Variants in TMEM131 observed in about 807,000 individuals in gnomAD.
The protein encoded by TMEM131 is transmembrane protein 131.
TMEM131 carries 66 observed loss-of-function variants against 211.6 expected under a neutral mutation model. That is an observed-to-expected ratio of 0.31 (90% CI 0.26 to 0.38). The LOEUF is 0.38. TMEM131 is among the 10% of genes least tolerant of loss of function. The probability of loss-of-function intolerance (pLI) is 1.00; values close to 1 mark genes in which losing one functional copy is unlikely to be tolerated. For synonymous variants in TMEM131, 844 were observed against 841.3 expected, an observed-to-expected ratio of 1.00 and a Z score of -0.06; for missense variants, 2,036 against 2,299.3, an observed-to-expected ratio of 0.89 and a Z score of 2.34.
At chr2:97,773,635 T>C (rs1679572423) in intron 32 of TMEM131, among the ~76,000 whole-genome samples, 1 of 150,442 alleles carries the variant, frequency 6.6e-6, no homozygotes, top group African/African-American at 2.4e-5. Flanking sequence ...GGTACACATC[T>C]ACTCATGTAT....
intron 15 of TMEM131, among the ~76,000 whole-genome samples, chr2:97,813,195 G>C (rs1681641182): frequency 6.6e-6 from 1 of 152,104 alleles, no homozygotes; most frequent in Non-Finnish European, 1.5e-5. Flanking sequence ...TACTAAGAGA[G>C]GTTTAGTGGA....
chr2:97,902,034 T>C (rs1042420496), intron 3 of TMEM131, among the ~76,000 whole-genome samples: 2 of 152,166 alleles, frequency 1.3e-5, no homozygotes, highest in African/African-American at 4.8e-5. Flanking sequence ...ACACAGTCTA[T>C]GCATGTATCA....
rs769046715 is a variant in TMEM131 at position 97,818,666 on chromosome 2, G to A, written c.1130C>T (p.Thr377Ile). 4 of 1,608,834 alleles carry A rather than the reference G, an allele frequency of 2.5e-6. No individual in the cohort carries two copies. The highest frequency in any genetic ancestry group is 4.5e-5 in the East Asian group (2 of 44,824). Reference protein sequence around the residue: ...DAITVHFKPITLKASESKYTK... With the variant: ...DAITVHFKPIILKASESKYTK... ...GTATTTACTTTCTGATGCTTTTAAT[G>A]TAATTGGTTTAAAGTGTACCGTTAT... Residue 377 changes from threonine (T) to isoleucine (I), a missense_variant, in exon 12 of 41, where the codon ACA becomes ATA. Coordinates refer to ENST00000186436, the MANE Select transcript of TMEM131 (RefSeq NM_015348.2).
chr2:97,799,218 G>A (rs907230224), intron 25 of TMEM131, among the ~76,000 whole-genome samples: 2 of 151,922 alleles, frequency 1.3e-5, no homozygotes, highest in Admixed American at 6.6e-5. Flanking sequence ...CAAAGCAGTG[G>A]TATCAAACTT....
chr2:97,908,746 A>C (rs781493241), intron 2 of TMEM131, 48 bp from the exon 3 acceptor site: 1 of 1,474,046 alleles, frequency 6.8e-7, no homozygotes, highest in Non-Finnish European at 9.4e-7. Flanking sequence ...CCAAATATTT[A>C]TATTACAGAC....
intron 4 of TMEM131, among the ~76,000 whole-genome samples, chr2:97,878,796 T>C (rs1674801191): frequency 6.6e-6 from 1 of 151,596 alleles, no homozygotes; most frequent in African/African-American, 2.4e-5. Flanking sequence ...TGTGTACCTA[T>C]GTAACAAAAC....
chr2:97,758,917 G>A lies in TMEM131; in HGVS notation c.5343C>T (p.Ser1781=), dbSNP rs752195871. Residue 1781 remains serine (S), a synonymous_variant, in exon 40 of 41, where the codon TCC becomes TCT. Coordinates refer to ENST00000186436, the MANE Select transcript of TMEM131 (RefSeq NM_015348.2). The part of the protein sequence containing the change: ...TDPSPSWPAS[S]GSPTHTATSV... ...CTGTGGCTGTGTGGGTCGGGGAGCC[G>A]GAACTGGCTGGCCAGGAAGGACTGG... 5.5e-5 allele frequency: 89 copies of A among 1,613,122 alleles called. No individual in the cohort carries two copies. In the South Asian group the frequency reaches 5.8e-4, roughly 11 times the overall value.
intron 1 of TMEM131, among the ~76,000 whole-genome samples, chr2:97,956,444 T>C (rs1350939656): frequency 6.6e-6 from 1 of 152,224 alleles, no homozygotes; most frequent in African/African-American, 2.4e-5. Context: ...TCATGTGGTA[T>C]TGATCTCCTA....
In TMEM131 at chr2:97,837,108, G is replaced by A. The variant is rs1682975762; in HGVS notation, c.773C>T (p.Thr258Met). The A allele has an allele frequency of 3.1e-6, 5 of 1,611,356 alleles. No homozygotes were observed. Among genetic ancestry groups the A allele is most frequent in the Non-Finnish European group, 4.2e-6 (5 of 1,178,932 alleles). The change falls in exon 8 of 41, where the codon ACG becomes ATG. Residue 258 changes from threonine to methionine, a missense_variant. Physicochemically the swap from Thr to Met is moderately conservative, Grantham distance 81. Transcript: ENST00000186436. ...SGGDLHLELPTGQQGGTRKLW... is the reference protein window; with the variant it reads ...SGGDLHLELPMGQQGGTRKLW... ...TTTTCTGGTACCTCCTTGTTGACCCGTTGGGAGTTCTAGGTGAAGGTCTCC... is the reference window on the plus strand; with the variant it reads ...TTTTCTGGTACCTCCTTGTTGACCCATTGGGAGTTCTAGGTGAAGGTCTCC...
chr2:97,880,165 A>G (rs1674866058), intron 4 of TMEM131, among the ~76,000 whole-genome samples: 1 of 146,554 alleles, frequency 6.8e-6, no homozygotes, highest in South Asian at 2.1e-4. Flanking sequence ...GGGGAGACTC[A>G]AGGTATGAAT....
At chr2:97,928,052 C>T (rs965199912) in intron 1 of TMEM131, among the ~76,000 whole-genome samples, 7 of 152,110 alleles carry the variant, frequency 4.6e-5, no homozygotes. Flanking sequence ...TACAATCTGG[C>T]GATCGTGCTT....
chr2:97,806,112 T>C (rs986651946), intron 19 of TMEM131, among the ~76,000 whole-genome samples: 8 of 152,152 alleles, frequency 5.3e-5, no homozygotes, highest in Non-Finnish European at 8.8e-5. Context: ...AATTCTAAAA[T>C]CTAAAGCCAA....
At chr2:97,818,794 G>T in intron 11 of TMEM131, 73 bp from the exon 12 acceptor site, 1 of 979,490 alleles carries the variant, frequency 1.0e-6, no homozygotes, top group East Asian at 2.6e-5. Flanking sequence ...ACTTATACTG[G>T]AAAGTATACT....
At chr2:97,981,594 C>T (rs1679801521) in intron 1 of TMEM131, among the ~76,000 whole-genome samples, 1 of 152,248 alleles carries the variant, frequency 6.6e-6, no homozygotes, top group East Asian at 1.9e-4. Flanking sequence ...TTTAATAAAA[C>T]TTGTTTAATA....
intron 19 of TMEM131, among the ~76,000 whole-genome samples, chr2:97,808,048 T>C (rs564686322): frequency 2.4e-4 from 36 of 152,310 alleles, no homozygotes; most frequent in African/African-American, 7.7e-4. Flanking sequence ...TATTTACATA[T>C]ATATAATGAG....
chr2:97,883,100 C>A (rs2104219269), intron 4 of TMEM131, among the ~76,000 whole-genome samples: 2 of 152,112 alleles, frequency 1.3e-5, no homozygotes, highest in Non-Finnish European at 2.9e-5. Flanking sequence ...CTCTATGGGG[C>A]CTCTCTTGTA....
chr2:97,808,759 G>A (rs912576847), intron 19 of TMEM131, among the ~76,000 whole-genome samples: 11 of 152,190 alleles, frequency 7.2e-5, no homozygotes, highest in African/African-American at 2.4e-4. Flanking sequence ...TACGAGGCTT[G>A]CAGCAAGAGG....
At chr2:97,952,373 G>C (rs1327272950) in intron 1 of TMEM131, among the ~76,000 whole-genome samples, 2 of 152,080 alleles carry the variant, frequency 1.3e-5, no homozygotes, top group East Asian at 3.9e-4. Context: ...GCGAATTCCA[G>C]ATAGGATAAA....
intron 1 of TMEM131, among the ~76,000 whole-genome samples, chr2:97,941,713 T>C (rs971011713): frequency 1.3e-5 from 2 of 152,060 alleles, no homozygotes; most frequent in Non-Finnish European, 2.9e-5. Flanking sequence ...AGCCAACAGA[T>C]ACATGAAAAA....
Sources: gnomAD v4.1 joint callset for allele counts (sites outside exome capture counted in the v4.1 genomes callset) on GRCh38, gnomAD v4.1.1 for gene constraint, MANE v1.5 for transcripts, NCBI Gene and HGNC (gene_info 2026-07-23, HGNC 2026-07-21) for gene names.